Variants in NDST3 observed in about 807,000 individuals in gnomAD.
The protein encoded by NDST3 is N-deacetylase and N-sulfotransferase 3, also known as bifunctional heparan sulfate N-deacetylase/N-sulfotransferase 3.
A neutral mutation model predicts 96.1 loss-of-function variants in NDST3; 58 were observed. That is an observed-to-expected ratio of 0.60 (90% confidence interval 0.49 to 0.75). The LOEUF (loss-of-function observed/expected upper bound fraction) is 0.75. Ranked by LOEUF, NDST3 falls within the 30% of genes least tolerant of loss-of-function variation. NDST3 has a pLI of 0.00. For synonymous variants in NDST3, 333 were observed against 359.7 expected (o/e 0.93, Z 0.84); for missense variants, 788 against 1,034.2 (o/e 0.76, Z 3.27).
intron 6 of NDST3, among the ~76,000 whole-genome samples, chr4:118,168,565 G>A (rs1735713160): frequency 1.3e-5 from 2 of 151,934 alleles, no homozygotes; most frequent in African/African-American, 4.8e-5. Context: ...AAACTATGGA[G>A]GTTCCTCAAA....
rs576839042 is a variant in NDST3 at position 118,132,084 on chromosome 4, C to T, written c.1225-5970C>T. Among the ~76,000 whole-genome samples, 13 of 152,258 alleles carry T rather than the reference C, an allele frequency of 8.5e-5. No individual in the cohort carries two copies. In the East Asian group the frequency reaches 2.5e-3, roughly 30 times the overall value. The stretch of plus-strand genomic sequence containing the variant: ...TACCTGGCTACCACCTATGTTCACT[C>T]AAGGCCCTAGGCCACTACAATCAGC... On this transcript the variant is annotated intron_variant, in intron 4 of 13. Transcript: ENST00000296499.
intron 6 of NDST3, among the ~76,000 whole-genome samples, chr4:118,157,422 G>GTTTT (rs1306965867): frequency 9.5e-6 from 1 of 105,690 alleles, no homozygotes; most frequent in African/African-American, 2.9e-5. Flanking sequence ...ACACAGTTTT[G>GTTTT]TTTTTGTTTT....
rs558495258 is a variant in NDST3 at position 118,126,662 on chromosome 4, A to G, written c.1225-11392A>G. Reference sequence around the variant, plus strand: ...AGTGCTGCAACGAACATGAGAGTGCAGATATCTCTTTGATACACTGATTTC... The same window carrying G: ...AGTGCTGCAACGAACATGAGAGTGCGGATATCTCTTTGATACACTGATTTC... On this transcript the variant is annotated intron_variant, in intron 4 of 13. Coordinates refer to ENST00000296499, the MANE Select transcript of NDST3 (RefSeq NM_004784.3). Among the ~76,000 whole-genome samples, 275 of 152,046 alleles carry G rather than the reference A, an allele frequency of 1.8e-3. 2 individuals are homozygous for G. The highest frequency in any genetic ancestry group is 6.4e-3 in the African/African-American group (264 of 41,462).
intron 2 of NDST3, among the ~76,000 whole-genome samples, chr4:118,085,784 C>T (rs1272991568): frequency 6.6e-6 from 1 of 152,142 alleles, no homozygotes; most frequent in Non-Finnish European, 1.5e-5. Flanking sequence ...AACATGGTCT[C>T]ATGAGAAAAC....
At chr4:118,058,329 C>A (rs998575089) in intron 2 of NDST3, among the ~76,000 whole-genome samples, 1 of 150,322 alleles carries the variant, frequency 6.7e-6, no homozygotes, top group Non-Finnish European at 1.5e-5. Context: ...GCTTTACCCA[C>A]CTAGATGTTG....
chr4:118,114,908 A>G lies in NDST3; in HGVS notation c.1172A>G (p.His391Arg). 1 of 1,614,164 alleles carries G rather than the reference A, an allele frequency of 6.2e-7. No individual in the cohort carries two copies. Among genetic ancestry groups the G allele is most frequent in the Non-Finnish European group, 8.5e-7 (1 of 1,179,990 alleles). ...MWSHMQPHLF[H>R]NESSLVEQMI... is the part of the protein sequence containing the mutation. ...AGCCATATGCAGCCCCACCTCTTCC[A>G]CAATGAGTCATCTTTGGTGGAGCAG... Residue 391 changes from histidine (H) to arginine (R), a missense_variant, in exon 4 of 14, where the codon CAC becomes CGC. Physicochemically the swap from His to Arg is conservative, Grantham distance 29. Around this residue, in one of 3 missense-constraint regions of NDST3, gnomAD observed 490 missense variants for 708.8 expected, o/e 0.69. Coordinates refer to ENST00000296499, the MANE Select transcript of NDST3 (RefSeq NM_004784.3).
intron 1 of NDST3, among the ~76,000 whole-genome samples, chr4:118,040,939 G>C (rs998227384): frequency 6.8e-6 from 1 of 147,760 alleles, no homozygotes; most frequent in African/African-American, 2.5e-5. Context: ...TGTAGAGATG[G>C]GGTTTCGCTG....
intron 4 of NDST3, among the ~76,000 whole-genome samples, chr4:118,132,868 G>C (rs1271252206): frequency 6.6e-6 from 1 of 152,080 alleles, no homozygotes; most frequent in Non-Finnish European, 1.5e-5. Flanking sequence ...CAGGAGCTAG[G>C]GCCTGGAATG....
At chr4:118,125,674 C>A (rs75128143) in intron 4 of NDST3, among the ~76,000 whole-genome samples, 1 of 151,986 alleles carries the variant, frequency 6.6e-6, no homozygotes, top group African/African-American at 2.4e-5. Context: ...CAAAGAAACA[C>A]AGAATTATAA....
intron 6 of NDST3, among the ~76,000 whole-genome samples, chr4:118,165,189 C>T (rs1367680411): frequency 6.6e-6 from 1 of 151,948 alleles, no homozygotes; most frequent in Non-Finnish European, 1.5e-5. Flanking sequence ...AGAACACTAG[C>T]TTTAGATTTA....
intron 4 of NDST3, among the ~76,000 whole-genome samples, chr4:118,127,657 A>C (rs747265722): frequency 1.3e-5 from 2 of 151,862 alleles, no homozygotes; most frequent in Non-Finnish European, 2.9e-5. Flanking sequence ...TTTGTTCAGG[A>C]TAGCTTTGGC....
intron 6 of NDST3, among the ~76,000 whole-genome samples, chr4:118,192,482 G>A (rs1356547671): frequency 6.6e-6 from 1 of 152,084 alleles, no homozygotes; most frequent in Non-Finnish European, 1.5e-5. Flanking sequence ...TAGGCATCTA[G>A]TTTCATTCTT....
intron 6 of NDST3, among the ~76,000 whole-genome samples, chr4:118,221,594 T>C (rs11727817): frequency 0.11 from 17,306 of 152,012 alleles, 1,327 homozygotes; most frequent in South Asian, 0.2. Context: ...TGCTAGAAAG[T>C]ATAGATAAAG....
intron 4 of NDST3, among the ~76,000 whole-genome samples, chr4:118,115,236 C>T (rs1420119982): frequency 6.6e-6 from 1 of 152,066 alleles, no homozygotes; most frequent in Non-Finnish European, 1.5e-5. Flanking sequence ...TGGCTCCTGT[C>T]CAGAAGGAGT....
chr4:118,109,632 T>G (rs1011648698), intron 3 of NDST3, among the ~76,000 whole-genome samples: 2 of 152,202 alleles, frequency 1.3e-5, no homozygotes, highest in Admixed American at 6.5e-5. Flanking sequence ...CCACAAAACT[T>G]AGCCAGGGTT....
intron 12 of NDST3, among the ~76,000 whole-genome samples, chr4:118,250,109 T>C (rs2126012688): frequency 6.6e-6 from 1 of 152,344 alleles, no homozygotes; most frequent in East Asian, 1.9e-4. Context: ...CTTTCACCAG[T>C]TGATGGACAT....
At chr4:118,099,136 G>T (rs191853292) in intron 2 of NDST3, among the ~76,000 whole-genome samples, 13 of 152,118 alleles carry the variant, frequency 8.5e-5, no homozygotes, top group African/African-American at 2.6e-4. Flanking sequence ...TGTTTTCCAA[G>T]GGGGAACTGT....
chr4:118,250,989 T>C (rs1741668975), intron 12 of NDST3, among the ~76,000 whole-genome samples: 1 of 151,220 alleles, frequency 6.6e-6, no homozygotes, highest in South Asian at 2.1e-4. Context: ...TCCCTTATGG[T>C]TCATCCTAAG....
intron 6 of NDST3, among the ~76,000 whole-genome samples, chr4:118,200,734 C>T (rs1269577789): frequency 6.6e-6 from 1 of 152,044 alleles, no homozygotes; most frequent in African/African-American, 2.4e-5. Flanking sequence ...TTCTGCATAT[C>T]AGTAGGCATC....
Sources: allele counts gnomAD v4.1 joint callset (sites outside exome capture counted in the v4.1 genomes callset), GRCh38; gene constraint gnomAD v4.1.1; regional missense constraint gnomAD v4.1.1; transcripts MANE v1.5; gene names NCBI Gene and HGNC (gene_info 2026-07-23, HGNC 2026-07-21).